Variants in ADK observed in about 807,000 individuals in gnomAD.
The protein encoded by ADK is N6,N6-dimethyladenosine kinase.
Under a neutral mutation model 44.7 loss-of-function variants are expected in ADK, and 24 were observed. The observed-to-expected ratio is 0.54, with a 90% CI of 0.39 to 0.76. The LOEUF is 0.76. ADK is among the 30% of genes least tolerant of loss of function. ADK has a pLI of 0.00. For synonymous variants in ADK, 128 were observed against 142.6 expected, an observed-to-expected ratio of 0.90 and a Z score of 0.73; for missense variants, 321 against 425.1, an observed-to-expected ratio of 0.76 and a Z score of 2.15.
intron 6 of ADK, 37 bp from the exon 7 acceptor site, chr10:74,525,219 G>C: frequency 6.3e-7 from 1 of 1,584,242 alleles, no homozygotes; most frequent in Non-Finnish European, 8.7e-7. Context: ...CTGTGGAGAT[G>C]GTATTTCTAA....
chr10:74,521,767 G>A (rs1464679886), intron 6 of ADK, among the ~76,000 whole-genome samples: 1 of 152,178 alleles, frequency 6.6e-6, no homozygotes, highest in African/African-American at 2.4e-5. Context: ...TAGCAAAGCA[G>A]CAGCTTGGAT....
chr10:74,704,999 T>C lies in ADK; in HGVS notation c.965-3322T>C, dbSNP rs563389465. Among the ~76,000 whole-genome samples, 42 of 152,376 alleles carry C rather than the reference T, an allele frequency of 2.8e-4. No individual in the cohort carries two copies. The South Asian group carries it at 5.8e-3, about 21-fold the overall frequency. On this transcript the variant is annotated intron_variant, in intron 10 of 10. Coordinates refer to ENST00000539909, the MANE Select transcript of ADK (RefSeq NM_006721.4). ...TCTCAGCAAATGTCTTTAAAATACA[T>C]CATTCTATTAACCATTTTAATTTTA...
intron 1 of ADK, among the ~76,000 whole-genome samples, chr10:74,163,219 G>A (rs1170892058): frequency 1.3e-5 from 2 of 152,196 alleles, no homozygotes; most frequent in Non-Finnish European, 2.9e-5. Flanking sequence ...ATCCGCCTCG[G>A]CCTCCCAAAG....
At chr10:74,201,260 G>A (rs528981402) in intron 2 of ADK, among the ~76,000 whole-genome samples, 10 of 152,316 alleles carry the variant, frequency 6.6e-5, no homozygotes, top group African/African-American at 1.4e-4. Context: ...AAGAGAACGT[G>A]CAGGATATAA....
At chr10:74,319,895 G>A (rs142691389) in intron 4 of ADK, among the ~76,000 whole-genome samples, 180 of 151,988 alleles carry the variant, frequency 1.2e-3, no homozygotes, top group African/African-American at 4.1e-3. Context: ...ATATTATTAC[G>A]CTCATTGATT....
intron 9 of ADK, among the ~76,000 whole-genome samples, chr10:74,628,281 G>A (rs1226239246): frequency 6.6e-6 from 1 of 152,014 alleles, no homozygotes; most frequent in East Asian, 2.0e-4. Context: ...GTTTACTATT[G>A]AGGTGATCAT....
At chr10:74,256,670 C>G (rs953866369) in intron 3 of ADK, among the ~76,000 whole-genome samples, 1 of 152,102 alleles carries the variant, frequency 6.6e-6, no homozygotes, top group Non-Finnish European at 1.5e-5. Flanking sequence ...GCTCCATCAT[C>G]TTGGGTACTG....
At chr10:74,545,333 G>T (rs1264495976) in intron 7 of ADK, among the ~76,000 whole-genome samples, 1 of 152,108 alleles carries the variant, frequency 6.6e-6, no homozygotes, top group South Asian at 2.1e-4. Flanking sequence ...TGGAGTTCAG[G>T]TCAGGCTTAG....
At chr10:74,441,715 A>G (rs148273170) in intron 6 of ADK, among the ~76,000 whole-genome samples, 1 of 152,198 alleles carries the variant, frequency 6.6e-6, no homozygotes, top group East Asian at 1.9e-4. Context: ...ACAAAATTGT[A>G]TCTATATCAA....
intron 9 of ADK, among the ~76,000 whole-genome samples, chr10:74,662,663 C>G (rs1474247265): frequency 1.3e-5 from 2 of 152,146 alleles, no homozygotes; most frequent in South Asian, 4.1e-4. Flanking sequence ...AGAATGAAAT[C>G]CTGCAAAACC....
At chr10:74,591,511 A>G (rs1851716866) in intron 8 of ADK, among the ~76,000 whole-genome samples, 1 of 152,306 alleles carries the variant, frequency 6.6e-6, no homozygotes, top group East Asian at 1.9e-4. Context: ...AATGTAATCC[A>G]TGTATGGAAC....
intron 6 of ADK, among the ~76,000 whole-genome samples, chr10:74,404,928 T>A (rs547190723): frequency 6.6e-6 from 1 of 152,334 alleles, no homozygotes; most frequent in South Asian, 2.1e-4. Flanking sequence ...TTGTTTAACT[T>A]CTTAGAGCTA....
intron 10 of ADK, among the ~76,000 whole-genome samples, chr10:74,680,264 G>A (rs1027069895): frequency 2.0e-5 from 3 of 150,098 alleles, no homozygotes; most frequent in Non-Finnish European, 4.4e-5. Context: ...GCAGTGAGCC[G>A]AGATCGCACC....
intron 6 of ADK, among the ~76,000 whole-genome samples, chr10:74,493,094 A>G (rs890432194): frequency 2.6e-5 from 4 of 152,144 alleles, no homozygotes; most frequent in African/African-American, 7.2e-5. Flanking sequence ...TTCAATTTTT[A>G]TATCTGTAAA....
intron 4 of ADK, among the ~76,000 whole-genome samples, chr10:74,332,608 T>A (rs562555515): frequency 6.6e-6 from 1 of 152,298 alleles, no homozygotes; most frequent in Admixed American, 6.5e-5. Context: ...GGAAATGAAC[T>A]GAAGACCTAA....
intron 2 of ADK, among the ~76,000 whole-genome samples, chr10:74,204,663 A>G (rs1430548571): frequency 6.6e-6 from 1 of 152,184 alleles, no homozygotes; most frequent in Admixed American, 6.5e-5. Flanking sequence ...ACTACTATAT[A>G]CAGTTACTTT....
chr10:74,513,579 C>T (rs1263617328), intron 6 of ADK, among the ~76,000 whole-genome samples: 2 of 152,054 alleles, frequency 1.3e-5, no homozygotes, highest in African/African-American at 2.4e-5. Context: ...TTTCCATTTG[C>T]ACTGAATATT....
At chr10:74,338,827 A>T (rs1052810488) in intron 4 of ADK, among the ~76,000 whole-genome samples, 1 of 152,190 alleles carries the variant, frequency 6.6e-6, no homozygotes, top group Middle Eastern at 3.2e-3. Flanking sequence ...CTTTGTGGTG[A>T]TGGAATAGTT....
chr10:74,611,058 C>CG (rs1478572601), intron 9 of ADK, among the ~76,000 whole-genome samples: 1 of 152,014 alleles, frequency 6.6e-6, no homozygotes, highest in African/African-American at 2.4e-5. Context: ...GACCAGGCCT[C>CG]GCTCTGTCAC....
Sources: allele counts gnomAD v4.1 joint callset (sites outside exome capture counted in the v4.1 genomes callset), GRCh38; gene constraint gnomAD v4.1.1; transcripts MANE v1.5; gene names NCBI Gene and HGNC (gene_info 2026-07-23, HGNC 2026-07-21).